Variants in RC3H1 observed in about 807,000 individuals in gnomAD.
RC3H1 encodes the protein ring finger and CCCH-type domains 1.
RC3H1 carries 50 observed loss-of-function variants against 138.2 expected under a neutral mutation model. The observed-to-expected ratio is 0.36, with a 90% CI of 0.29 to 0.46. RC3H1 has a LOEUF of 0.46. Ranked by LOEUF, RC3H1 falls within the 20% of genes least tolerant of loss-of-function variation. The pLI is 1.00. For synonymous variants in RC3H1, 462 were observed against 489.1 expected (o/e 0.94, Z 0.73); for missense variants, 1,031 against 1,388.1 (o/e 0.74, Z 4.09).
chr1:173,950,910 C>T lies in RC3H1; in HGVS notation c.2523+1076G>A, dbSNP rs142280154. On this transcript the variant is annotated intron_variant, in intron 14 of 19. Coordinates refer to ENST00000367696, the MANE Select transcript of RC3H1 (RefSeq NM_172071.4). ...AATTAGCTGGGTGTGGTAGCAAGCA[C>T]CTGTAGTCTTAGGTACTCAGGAGGA... Among the ~76,000 whole-genome samples, 253 of 151,872 alleles carry T rather than the reference C, an allele frequency of 1.7e-3. 1 individual carries two copies. Among genetic ancestry groups the T allele is most frequent in the African/African-American group, 5.9e-3 (245 of 41,384 alleles).
intron 13 of RC3H1, among the ~76,000 whole-genome samples, chr1:173,959,964 C>T (rs912967263): frequency 1.3e-5 from 2 of 151,478 alleles, no homozygotes; most frequent in African/African-American, 2.4e-5. Flanking sequence ...AAATTATAGT[C>T]GGGCGTGGTG....
At chr1:173,945,685 C>G (rs1043037736) in intron 17 of RC3H1, among the ~76,000 whole-genome samples, 5 of 151,622 alleles carry the variant, frequency 3.3e-5, no homozygotes, top group African/African-American at 1.2e-4. Context: ...TACACCGGAA[C>G]TATGTTTTAC....
intron 1 of RC3H1, among the ~76,000 whole-genome samples, chr1:174,021,254 T>A (rs1192823717): frequency 6.6e-6 from 1 of 152,178 alleles, no homozygotes; most frequent in African/African-American, 2.4e-5. Flanking sequence ...ACATTACAGT[T>A]TGTCTCCGCG....
Position 173,933,715 on chromosome 1 carries a change from G to A in RC3H1, c.*5006C>T, listed in dbSNP as rs1658473613. On this transcript the variant is annotated 3_prime_UTR_variant, in exon 20 of 20. Coordinates refer to ENST00000367696, the MANE Select transcript of RC3H1 (RefSeq NM_172071.4). The stretch of plus-strand genomic sequence containing the variant: ...ACAAATAAATATAAAAATCATAGCT[G>A]TCCAAGGTAGAAAGGTATGAATGTG... 1 of 152,132 alleles carries A rather than the reference G, an allele frequency of 6.6e-6. No individual in the cohort carries two copies. Among genetic ancestry groups the A allele is most frequent in the Admixed American group, 6.5e-5 (1 of 15,268 alleles). The allele number at this position is 152,132 out of a possible 1,614,324, so 9.4% of individuals were successfully genotyped here. A position where few individuals can be genotyped will look rare whatever the true frequency, so the allele number is the denominator to read the frequency against.
intron 8 of RC3H1, 65 bp downstream of exon 8, chr1:173,972,444 G>A: frequency 9.1e-7 from 1 of 1,099,240 alleles, no homozygotes; most frequent in Non-Finnish European, 1.4e-6. Context: ...ACCCACAGTG[G>A]TTTACCTATA....
intron 1 of RC3H1, among the ~76,000 whole-genome samples, chr1:174,015,332 T>C (rs1315825622): frequency 6.6e-6 from 1 of 151,870 alleles, no homozygotes; most frequent in African/African-American, 2.4e-5. Flanking sequence ...GCTAAGAATT[T>C]AGTGATTCTG....
chr1:174,018,729 T>C (rs1244400278), intron 1 of RC3H1, among the ~76,000 whole-genome samples: 2 of 152,198 alleles, frequency 1.3e-5, no homozygotes, highest in Non-Finnish European at 2.9e-5. Flanking sequence ...TCCTGCAGAA[T>C]ACCTGAACCC....
chr1:173,986,578 G>A (rs1415097412), intron 2 of RC3H1, among the ~76,000 whole-genome samples: 2 of 150,034 alleles, frequency 1.3e-5, no homozygotes, highest in Non-Finnish European at 3.0e-5. Context: ...TTTTTTCAAA[G>A]TTGAGACAAA....
intron 5 of RC3H1, 64 bp from the exon 6 acceptor site, chr1:173,981,073 T>C (rs1199565474): frequency 3.7e-6 from 5 of 1,358,098 alleles, no homozygotes; most frequent in Non-Finnish European, 5.1e-6. Context: ...TATATGAACA[T>C]ATAATTTTTA....
intron 11 of RC3H1, among the ~76,000 whole-genome samples, chr1:173,962,867 C>G (rs1441901598): frequency 1.3e-5 from 2 of 152,166 alleles, no homozygotes; most frequent in Non-Finnish European, 2.9e-5. Flanking sequence ...CACGTTTTAT[C>G]ATATTTTGCA....
chr1:173,984,291 T>C (rs901627053), intron 3 of RC3H1, among the ~76,000 whole-genome samples: 28 of 152,254 alleles, frequency 1.8e-4, no homozygotes, highest in African/African-American at 6.0e-4. Flanking sequence ...TAGTTTACAA[T>C]AGATAAATTT....
At chr1:174,012,010 AG>A (rs780837802) in intron 1 of RC3H1, among the ~76,000 whole-genome samples, 5 of 152,162 alleles carry the variant, frequency 3.3e-5, no homozygotes, top group Non-Finnish European at 7.4e-5. Context: ...GAGAAGTTCG[AG>A]ACCAGCCTGG....
chr1:173,952,242 A>C, intron 13 of RC3H1, 104 bp from the exon 14 acceptor site: 2 of 741,462 alleles, frequency 2.7e-6, no homozygotes, highest in Non-Finnish European at 3.9e-6. Flanking sequence ...GGAATTTCTT[A>C]GAACATCGTG....
chr1:173,932,623 A>C lies in RC3H1; in HGVS notation c.*6098T>G, dbSNP rs2102809746. 6.6e-6 allele frequency: 1 copy of C among 152,264 alleles called. No homozygotes were observed. Among genetic ancestry groups the C allele is most frequent in the East Asian group, 1.9e-4 (1 of 5,186 alleles). The allele number at this position is 152,264 out of a possible 1,614,324, so 9.4% of individuals were successfully genotyped here. The stretch of plus-strand genomic sequence containing the variant: ...GTGTGAAAATTTAGGCCAACGATCC[A>C]TCTGGAAAAAATAACTCTCAAGACA... On this transcript the variant is annotated 3_prime_UTR_variant, in exon 20 of 20. Coordinates refer to ENST00000367696, the MANE Select transcript of RC3H1 (RefSeq NM_172071.4).
intron 9 of RC3H1, among the ~76,000 whole-genome samples, chr1:173,969,004 G>A (rs1024361074): frequency 4.0e-5 from 6 of 151,530 alleles, no homozygotes; most frequent in Non-Finnish European, 8.8e-5. Context: ...GTCTACAGGC[G>A]CATGCCACCA....
intron 1 of RC3H1, among the ~76,000 whole-genome samples, chr1:174,003,679 G>C (rs912753922): frequency 9.9e-6 from 1 of 101,158 alleles, no homozygotes; most frequent in South Asian, 3.2e-4. Context: ...TTTTTTTTTT[G>C]AGACGGAGTC....
chr1:173,954,707 T>TA (rs1571183182), intron 13 of RC3H1, among the ~76,000 whole-genome samples: 1 of 152,112 alleles, frequency 6.6e-6, no homozygotes, highest in African/African-American at 2.4e-5. Context: ...ACAAATGACA[T>TA]AAAAAATTTG....
chr1:173,954,503 T>G (rs1557925685), intron 13 of RC3H1, among the ~76,000 whole-genome samples: 1 of 152,234 alleles, frequency 6.6e-6, no homozygotes, highest in Non-Finnish European at 1.5e-5. Flanking sequence ...TCTAGCATTC[T>G]ATAGCACTGC....
chr1:173,938,989 T>G (rs756310770), intron 19 of RC3H1, 118 bp from the exon 20 acceptor site: 50 of 725,552 alleles, frequency 6.9e-5, no homozygotes, highest in Non-Finnish European at 1.0e-4. Flanking sequence ...CACATTTTAA[T>G]CTACAGCCCC....
Sources: allele counts gnomAD v4.1 joint callset (sites outside exome capture counted in the v4.1 genomes callset), GRCh38; gene constraint gnomAD v4.1.1; transcripts MANE v1.5; gene names NCBI Gene and HGNC (gene_info 2026-07-23, HGNC 2026-07-21).